The following CCDC15 variants were observed in gnomAD, a reference collection of about 807,000 sequenced individuals.
CCDC15 encodes coiled-coil domain-containing protein 15.
A neutral mutation model predicts 114.5 loss-of-function variants in CCDC15; 105 were observed. That is an observed-to-expected ratio of 0.92 (90% CI 0.78 to 1.08). The LOEUF (loss-of-function observed/expected upper bound fraction) is 1.08, where lower values mean the gene tolerates loss of function less well. CCDC15 is among the 50% of genes least tolerant of loss of function. The pLI is 0.00. For missense variants in CCDC15, 1,105 were observed against 1,093.6 expected (o/e 1.01, Z -0.15); for synonymous variants, 334 against 377.8 (o/e 0.88, Z 1.34).
At chr11:124,958,367 A>AT (rs150378521) in intron 2 of CCDC15, among the ~76,000 whole-genome samples, 35,746 of 148,682 alleles carry the variant, frequency 0.24, 4,615 homozygotes, top group African/African-American at 0.34. Context: ...TTTTTTTGTG[A>AT]TTTTTTTTTT....
At position 124,970,466 on chromosome 11, in the gene CCDC15, CA is replaced by C. The variant is rs1947860527; in HGVS notation, c.517-4629del. 4.6e-5 allele frequency among the ~76,000 whole-genome samples: 7 copies of C among 152,286 alleles called. No individual in the cohort carries two copies. In the South Asian group the frequency reaches 1.4e-3, roughly 32 times the overall value. On this transcript the variant is annotated intron_variant, in intron 4 of 15. Coordinates refer to ENST00000344762, the MANE Select transcript of CCDC15 (RefSeq NM_025004.3). ...ATTTTCTGGCCACTGAAAAGTCTAA[CA>C]CATTTAAAAATCAGTATGATATCAT...
chr11:124,983,624 C>G (rs1407001661), intron 6 of CCDC15, among the ~76,000 whole-genome samples: 5 of 152,064 alleles, frequency 3.3e-5, no homozygotes, highest in Admixed American at 1.3e-4. Context: ...TGTTCTCTGG[C>G]CTCTTAAGGT....
At chr11:125,024,999 CATATATATATGA>C (rs1288475099) in intron 13 of CCDC15, among the ~76,000 whole-genome samples, 28 of 127,730 alleles carry the variant, frequency 2.2e-4, no homozygotes, top group African/African-American at 4.3e-4. Flanking sequence ...CTGTCAAATT[CATATATATATGA>C]ATATATATAT....
chr11:124,982,065 A>G (rs1042024243), intron 6 of CCDC15, among the ~76,000 whole-genome samples: 2 of 151,932 alleles, frequency 1.3e-5, no homozygotes, highest in Non-Finnish European at 2.9e-5. Flanking sequence ...CTTTTTTTAA[A>G]TTGTTATTTG....
rs1284301265 is a variant in CCDC15 at position 124,988,050 on chromosome 11, T to C, written c.1824T>C (p.Phe608=). 1.2e-6 allele frequency: 2 copies of C among 1,613,970 alleles called. No individual in the cohort carries two copies. Among genetic ancestry groups the C allele is most frequent in the African/African-American group, 1.3e-5 (1 of 75,046 alleles). ...TACCCATATGTCAGGACCGGGATTT[T>C]CTACCCAGAGACCTGCATGTTCTCT... ...NILPICQDRD[F]LPRDLHVLSN... is the part of the protein sequence containing the mutation. The change falls in exon 8 of 16, where the codon TTT becomes TTC. Residue 608 remains phenylalanine (F), a synonymous_variant. Coordinates refer to ENST00000344762, the MANE Select transcript of CCDC15 (RefSeq NM_025004.3).
At position 125,041,121 on chromosome 11, in the gene CCDC15, C is replaced by T. The variant is rs1321303356; in HGVS notation, c.*410C>T. 1 of 154,872 alleles carries T rather than the reference C, an allele frequency of 6.5e-6. No individual in the cohort carries two copies. The highest frequency in any genetic ancestry group is 1.9e-4 in the East Asian group (1 of 5,314). The allele number at this position is 154,872 out of a possible 1,614,324, so 9.6% of individuals were successfully genotyped here. A position where few individuals can be genotyped will look rare whatever the true frequency, so the allele number is the denominator to read the frequency against. ...AGTGATGAAATGTGTTTCTGAGCAT[C>T]AGAGACCATCTATATTGCCATTACC... On this transcript the variant is annotated 3_prime_UTR_variant, in exon 16 of 16. Transcript: ENST00000344762.
At position 124,977,600 on chromosome 11, in the gene CCDC15, G is replaced by A; in HGVS notation, c.753G>A (p.Gln251=). 6.3e-7 allele frequency: 1 copy of A among 1,596,318 alleles called. No individual in the cohort carries two copies. The highest frequency in any genetic ancestry group is 2.3e-5 in the East Asian group (1 of 44,104). The change falls in exon 6 of 16, where the codon CAG becomes CAA. Residue 251 remains glutamine (Q), a splice_region_variant and synonymous_variant. Transcript: ENST00000344762. The part of the protein sequence containing the change: ...AVPYQNYMEN[Q]ELDYEEPDYE... ...CTTACCAGAATTATATGGAAAATCA[G>A]GTAGGGAAATATAAAAAGTAGAGGG...
chr11:125,020,484 T>C (rs1948654122), intron 13 of CCDC15, among the ~76,000 whole-genome samples: 1 of 151,986 alleles, frequency 6.6e-6, no homozygotes, highest in African/African-American at 2.4e-5. Flanking sequence ...TGTCACCTTA[T>C]TTTCAGAATT....
intron 13 of CCDC15, among the ~76,000 whole-genome samples, chr11:125,029,993 G>C (rs893489070): frequency 6.6e-6 from 1 of 152,154 alleles, no homozygotes; most frequent in Admixed American, 6.5e-5. Context: ...TTAAAGGTAG[G>C]AGGAGCCCAA....
intron 13 of CCDC15, among the ~76,000 whole-genome samples, chr11:125,013,299 A>G (rs996054170): frequency 7.2e-5 from 11 of 152,200 alleles, no homozygotes; most frequent in Non-Finnish European, 4.4e-5. Flanking sequence ...GGTGTGTCTG[A>G]GAAATAAAAT....
At chr11:124,962,380 A>C (rs1947681737) in intron 4 of CCDC15, among the ~76,000 whole-genome samples, 1 of 152,256 alleles carries the variant, frequency 6.6e-6, no homozygotes, top group Middle Eastern at 3.2e-3. Flanking sequence ...TGAAACATTT[A>C]TACATGAAAG....
intron 4 of CCDC15, among the ~76,000 whole-genome samples, chr11:124,973,580 T>C (rs769741451): frequency 1.3e-5 from 2 of 151,910 alleles, no homozygotes; most frequent in East Asian, 3.9e-4. Flanking sequence ...GCTGGTAGAG[T>C]AGAGTGTTTT....
At chr11:124,954,972 TA>T (rs779522816) in intron 2 of CCDC15, 63 bp downstream of exon 2, 8 of 1,434,034 alleles carry the variant, frequency 5.6e-6, no homozygotes, top group Non-Finnish European at 6.8e-6. Context: ...TAGCCTTCTC[TA>T]ATCCTGGGTG....
chr11:124,967,391 T>C (rs959991191), intron 4 of CCDC15, among the ~76,000 whole-genome samples: 6 of 152,218 alleles, frequency 3.9e-5, no homozygotes, highest in African/African-American at 1.2e-4. Flanking sequence ...TGATCTTCAG[T>C]CACTGATACC....
chr11:125,010,424 A>G (rs1371242778), intron 13 of CCDC15, among the ~76,000 whole-genome samples: 1 of 149,404 alleles, frequency 6.7e-6, no homozygotes, highest in Non-Finnish European at 1.5e-5. Context: ...GTCCAGTGGC[A>G]CATTCTCAGC....
At chr11:124,969,040 A>G (rs1005204724) in intron 4 of CCDC15, among the ~76,000 whole-genome samples, 9 of 152,174 alleles carry the variant, frequency 5.9e-5, no homozygotes, top group Non-Finnish European at 1.2e-4. Flanking sequence ...CACTTCAAGT[A>G]TTTGATTATA....
intron 6 of CCDC15, among the ~76,000 whole-genome samples, chr11:124,980,072 C>T (rs1313977253): frequency 6.6e-6 from 1 of 152,060 alleles, no homozygotes; most frequent in Non-Finnish European, 1.5e-5. Flanking sequence ...TGTGGTGAAT[C>T]ACAATTAATG....
chr11:124,993,454 A>G (rs142982752), intron 11 of CCDC15, among the ~76,000 whole-genome samples: 23 of 152,310 alleles, frequency 1.5e-4, no homozygotes, highest in African/African-American at 5.3e-4. Context: ...ATTCTGACCT[A>G]TTGAAACTAC....
At chr11:124,954,651 G>A in intron 1 of CCDC15, 73 bp from the exon 2 acceptor site, 1 of 1,359,804 alleles carries the variant, frequency 7.4e-7, no homozygotes, top group Non-Finnish European at 1.0e-6. Flanking sequence ...CGGGCCTGTG[G>A]CTCATGTGTT....
Sources: gnomAD v4.1 joint callset for allele counts (sites outside exome capture counted in the v4.1 genomes callset) on GRCh38, gnomAD v4.1.1 for gene constraint, MANE v1.5 for transcripts, NCBI Gene and HGNC (gene_info 2026-07-23, HGNC 2026-07-21) for gene names.